SRPK2: variants seen among roughly 807,000 people sequenced by gnomAD.
SRPK2 encodes SFRS protein kinase 2.
Under a neutral mutation model 90.8 loss-of-function variants are expected in SRPK2, and 21 were observed. That is an observed-to-expected ratio of 0.23 (90% CI 0.16 to 0.33). SRPK2 has a LOEUF of 0.33. SRPK2 is among the 10% of genes least tolerant of loss of function. The pLI is 1.00. For missense variants in SRPK2, 620 were observed against 869.0 expected, an observed-to-expected ratio of 0.71 and a Z score of 3.60; for synonymous variants, 288 against 311.1, an observed-to-expected ratio of 0.93 and a Z score of 0.78.
intron 3 of SRPK2, among the ~76,000 whole-genome samples, chr7:105,172,610 G>A (rs1301399926): frequency 1.3e-5 from 2 of 152,114 alleles, no homozygotes; most frequent in African/African-American, 4.8e-5. Flanking sequence ...CAAAGTAGAT[G>A]GTATTATTTC....
intron 2 of SRPK2, among the ~76,000 whole-genome samples, chr7:105,291,043 T>C (rs1353911937): frequency 6.3e-5 from 1 of 15,916 alleles, no homozygotes; most frequent in Admixed American, 8.4e-4. Context: ...AGACTCCGTC[T>C]CAAAAAAAAA....
chr7:105,115,518 A>AGAT (rs1438248268), downstream of SRPK2: 4 of 152,118 alleles, frequency 2.6e-5, no homozygotes, highest in African/African-American at 9.7e-5. Flanking sequence ...AGAAAGGAAA[A>AGAT]GATAGATAGG....
At chr7:105,260,560 G>A (rs867723668) in intron 2 of SRPK2, among the ~76,000 whole-genome samples, 1 of 152,158 alleles carries the variant, frequency 6.6e-6, no homozygotes. Context: ...TATAAATCAT[G>A]CTGCTATAAA....
chr7:105,240,322 T>C (rs1304648951), intron 2 of SRPK2, among the ~76,000 whole-genome samples: 4 of 152,124 alleles, frequency 2.6e-5, no homozygotes, highest in Non-Finnish European at 5.9e-5. Context: ...ACCATCACAT[T>C]GGGGGTTAGG....
At chr7:105,297,573 A>G (rs1298889494) in intron 2 of SRPK2, 2 of 849,334 alleles carry the variant, frequency 2.4e-6, no homozygotes, top group Non-Finnish European at 2.8e-6. Context: ...TTTTAGACAT[A>G]CAGAAGGTCC....
At chr7:105,268,496 A>T (rs1044741591) in intron 2 of SRPK2, among the ~76,000 whole-genome samples, 13 of 152,254 alleles carry the variant, frequency 8.5e-5, no homozygotes, top group African/African-American at 3.1e-4. Context: ...AAAAAGCAAG[A>T]TTTTTCTTTT....
chr7:105,140,457 C>T (rs776128149), intron 11 of SRPK2, among the ~76,000 whole-genome samples: 2 of 151,576 alleles, frequency 1.3e-5, no homozygotes, highest in Admixed American at 1.3e-4. Flanking sequence ...AAAAATTAGC[C>T]GGGCATGGTG....
chr7:105,236,703 A>AG (rs1234486473), intron 2 of SRPK2, among the ~76,000 whole-genome samples: 1 of 152,190 alleles, frequency 6.6e-6, no homozygotes, highest in Non-Finnish European at 1.5e-5. Flanking sequence ...CACTTGCCAG[A>AG]GAGAAGACAA....
intron 2 of SRPK2, among the ~76,000 whole-genome samples, chr7:105,341,162 G>A (rs755109724): frequency 1.3e-5 from 2 of 151,246 alleles, no homozygotes; most frequent in Non-Finnish European, 2.9e-5. Context: ...TCAGGAGTTC[G>A]AGACCAGCCT....
intron 3 of SRPK2, among the ~76,000 whole-genome samples, chr7:105,172,504 C>T (rs957352599): frequency 2.0e-5 from 3 of 152,100 alleles, no homozygotes; most frequent in Admixed American, 6.6e-5. Flanking sequence ...TCCTGACATA[C>T]GTGTTCATGG....
At chr7:105,118,203 G>A (rs1230933008) in intron 15 of SRPK2, among the ~76,000 whole-genome samples, 181 bp from the exon 16 acceptor site, 1 of 152,148 alleles carries the variant, frequency 6.6e-6, no homozygotes, top group Non-Finnish European at 1.5e-5. Context: ...TATGACCAAG[G>A]CATATTTCAA....
intron 13 of SRPK2, among the ~76,000 whole-genome samples, chr7:105,127,654 G>A (rs1224468054): frequency 6.6e-6 from 1 of 152,176 alleles, no homozygotes; most frequent in Non-Finnish European, 1.5e-5. Context: ...AGACCCTTTT[G>A]TGGATGTCAC....
At chr7:105,256,566 T>C (rs968886482) in intron 2 of SRPK2, among the ~76,000 whole-genome samples, 2 of 152,108 alleles carry the variant, frequency 1.3e-5, no homozygotes, top group South Asian at 2.1e-4. Flanking sequence ...GTATGTTGCA[T>C]GGGTTGGTTT....
chr7:105,140,506 CAGG>C (rs1032368533), intron 11 of SRPK2, among the ~76,000 whole-genome samples: 2 of 151,448 alleles, frequency 1.3e-5, no homozygotes, highest in African/African-American at 4.9e-5. Context: ...GAGACTGAGG[CAGG>C]AGAATTGCTT....
intron 2 of SRPK2, among the ~76,000 whole-genome samples, chr7:105,286,929 G>C (rs1808177761): frequency 6.6e-6 from 1 of 152,140 alleles, no homozygotes; most frequent in Admixed American, 6.6e-5. Flanking sequence ...CCGTGCAACT[G>C]TCAGATGAAC....
intron 6 of SRPK2, among the ~76,000 whole-genome samples, chr7:105,164,354 T>G (rs1043007609): frequency 6.6e-5 from 10 of 152,230 alleles, no homozygotes; most frequent in Non-Finnish European, 1.5e-4. Flanking sequence ...TAAATGTTCC[T>G]GTTCATTCCT....
chr7:105,255,640 C>T (rs1015413915), intron 2 of SRPK2, among the ~76,000 whole-genome samples: 8 of 152,038 alleles, frequency 5.3e-5, no homozygotes, highest in Non-Finnish European at 1.2e-4. Flanking sequence ...AGTTGAGAAA[C>T]GCACATCTAG....
At chr7:105,359,208 G>T (rs1339332218) in intron 2 of SRPK2, among the ~76,000 whole-genome samples, 1 of 141,712 alleles carries the variant, frequency 7.1e-6, no homozygotes. Context: ...ACCCAGGCTG[G>T]AGTGCAATGG....
intron 2 of SRPK2, among the ~76,000 whole-genome samples, chr7:105,361,506 C>A (rs188785765): frequency 6.6e-6 from 1 of 152,120 alleles, no homozygotes; most frequent in East Asian, 1.9e-4. Context: ...AAAAAGAGCA[C>A]GCACTGCCAA....
Sources: allele counts gnomAD v4.1 joint callset (sites outside exome capture counted in the v4.1 genomes callset), GRCh38; gene constraint gnomAD v4.1.1; transcripts MANE v1.5; gene names NCBI Gene and HGNC (gene_info 2026-07-23, HGNC 2026-07-21).